The following TCF4 variants were observed in gnomAD, a reference collection of about 807,000 sequenced individuals.
TCF4 encodes the protein transcription factor 4.
TCF4 carries 3 observed loss-of-function variants against 82.1 expected under a neutral mutation model. The ratio of observed to expected loss-of-function variants is 0.04; its 90% CI spans 0.02 to 0.09. TCF4 has a LOEUF of 0.09. TCF4 is among the 10% of genes least tolerant of loss of function. The pLI is 1.00. For synonymous variants in TCF4, 276 were observed against 309.6 expected (o/e 0.89, Z 1.14); for missense variants, 518 against 852.7 (o/e 0.61, Z 4.89).
At chr18:55,447,112 T>C (rs1385813298) in intron 5 of TCF4, among the ~76,000 whole-genome samples, 6 of 152,002 alleles carry the variant, frequency 3.9e-5, no homozygotes, top group Non-Finnish European at 7.4e-5. Context: ...CAGAGTAGCC[T>C]GTGCAACAGA....
At chr18:55,267,269 T>C (rs2059395163) in intron 11 of TCF4, 1 of 152,190 alleles carries the variant, frequency 6.6e-6, no homozygotes, top group Non-Finnish European at 1.5e-5. Flanking sequence ...GGCAACGTAA[T>C]ATTTCTTTAC....
intron 8 of TCF4, among the ~76,000 whole-genome samples, chr18:55,298,876 A>G (rs1293168851): frequency 6.6e-6 from 1 of 152,224 alleles, no homozygotes; most frequent in Non-Finnish European, 1.5e-5. Context: ...AGAAAAAAAA[A>G]CTGTAGCCTC....
intron 5 of TCF4, among the ~76,000 whole-genome samples, chr18:55,455,155 G>C (rs2095711612): frequency 7.1e-6 from 1 of 141,440 alleles, no homozygotes; most frequent in Middle Eastern, 3.8e-3. Context: ...ACTCCAGTCT[G>C]GGCAACAGAG....
chr18:55,461,304 G>A (rs1400178083), intron 4 of TCF4, among the ~76,000 whole-genome samples, 189 bp from the exon 5 acceptor site: 1 of 152,062 alleles, frequency 6.6e-6, no homozygotes, highest in Non-Finnish European at 1.5e-5. Context: ...TAGAGTCTAC[G>A]AAGTCCAAAT....
At chr18:55,549,759 A>C (rs2097242962) in intron 3 of TCF4, among the ~76,000 whole-genome samples, 1 of 152,078 alleles carries the variant, frequency 6.6e-6, no homozygotes, top group Admixed American at 6.5e-5. Flanking sequence ...TAGAATGAGT[A>C]CACTCTAAAT....
chr18:55,445,042 G>A (rs563642323), intron 5 of TCF4, among the ~76,000 whole-genome samples: 3 of 152,052 alleles, frequency 2.0e-5, no homozygotes, highest in Non-Finnish European at 4.4e-5. Context: ...ATTTCCTCTT[G>A]GAATTGCCTT....
intron 3 of TCF4, among the ~76,000 whole-genome samples, chr18:55,580,570 G>T (rs756391933): frequency 6.6e-6 from 1 of 151,994 alleles, no homozygotes; most frequent in Non-Finnish European, 1.5e-5. Flanking sequence ...AATTGGAAGG[G>T]TAGTTTATTT....
intron 3 of TCF4, among the ~76,000 whole-genome samples, chr18:55,508,387 T>C (rs2096787773): frequency 6.6e-6 from 1 of 152,200 alleles, no homozygotes; most frequent in Non-Finnish European, 1.5e-5. Context: ...TGTTAATATT[T>C]TGTTGGATTT....
chr18:55,622,784 G>A (rs574294536), intron 2 of TCF4, among the ~76,000 whole-genome samples: 12 of 151,888 alleles, frequency 7.9e-5, no homozygotes, highest in African/African-American at 2.2e-4. Context: ...TTTCAGTTCC[G>A]GCAAATACTT....
chr18:55,538,026 G>GCACA (rs57686777), intron 3 of TCF4, among the ~76,000 whole-genome samples: 3,162 of 131,482 alleles, frequency 0.024, 73 homozygotes, highest in East Asian at 0.1. Context: ...CTGCGCGCGC[G>GCACA]CACACACACA....
At chr18:55,431,936 A>G (rs907842592) in intron 5 of TCF4, among the ~76,000 whole-genome samples, 11 of 152,220 alleles carry the variant, frequency 7.2e-5, no homozygotes, top group African/African-American at 2.7e-4. Context: ...CGGTGCACGG[A>G]TATCTCTGAA....
At chr18:55,603,880 C>G (rs998052108) in intron 2 of TCF4, among the ~76,000 whole-genome samples, 1 of 152,152 alleles carries the variant, frequency 6.6e-6, no homozygotes, top group Non-Finnish European at 1.5e-5. Context: ...AACAATTTCT[C>G]CGAGCTCTGG....
At chr18:55,414,372 G>A (rs963057335) in intron 5 of TCF4, among the ~76,000 whole-genome samples, 1 of 151,752 alleles carries the variant, frequency 6.6e-6, no homozygotes, top group Non-Finnish European at 1.5e-5. Flanking sequence ...ACAGCTCTAA[G>A]TTCTTTGATC....
chr18:55,376,729 G>A (rs764195515), intron 6 of TCF4, among the ~76,000 whole-genome samples: 4 of 152,104 alleles, frequency 2.6e-5, no homozygotes, highest in Non-Finnish European at 4.4e-5. Flanking sequence ...TGCACAGTCC[G>A]GTTAACCTGT....
At chr18:55,488,049 T>A (rs1660099077) in intron 3 of TCF4, among the ~76,000 whole-genome samples, 1 of 152,240 alleles carries the variant, frequency 6.6e-6, no homozygotes, top group Admixed American at 6.5e-5. Flanking sequence ...TGGATGGCTT[T>A]GCACCCCATT....
chr18:55,564,728 G>C (rs376547764), intron 3 of TCF4, among the ~76,000 whole-genome samples: 1 of 152,116 alleles, frequency 6.6e-6, no homozygotes, highest in Non-Finnish European at 1.5e-5. Flanking sequence ...CAATATATAC[G>C]TGAGCTGTCA....
intron 3 of TCF4, among the ~76,000 whole-genome samples, chr18:55,545,642 G>A (rs1001160475): frequency 1.3e-5 from 2 of 152,112 alleles, no homozygotes; most frequent in African/African-American, 2.4e-5. Flanking sequence ...TAGAGACAGG[G>A]TTTTGCCATG....
intron 6 of TCF4, among the ~76,000 whole-genome samples, chr18:55,392,428 G>T (rs1393564806): frequency 7.0e-6 from 1 of 142,064 alleles, no homozygotes; most frequent in Non-Finnish European, 1.5e-5. Context: ...AGTCCCACCT[G>T]GACAACATAG....
At chr18:55,420,862 GA>G (rs1168729128) in intron 5 of TCF4, among the ~76,000 whole-genome samples, 5 of 132,068 alleles carry the variant, frequency 3.8e-5, no homozygotes, top group African/African-American at 1.4e-4. Context: ...AGATTTGGGG[GA>G]AAAAAGAACC....
Sources: allele counts gnomAD v4.1 joint callset (sites outside exome capture counted in the v4.1 genomes callset), GRCh38; gene constraint gnomAD v4.1.1; transcripts MANE v1.5; gene names NCBI Gene and HGNC (gene_info 2026-07-23, HGNC 2026-07-21).